Variants in CEP95 observed in about 807,000 individuals in gnomAD.
The protein encoded by CEP95 is centrosomal protein of 95 kDa.
In CEP95, 98 loss-of-function variants were observed where a neutral mutation model predicts 111.2. The observed-to-expected ratio is 0.88, with a 90% CI of 0.75 to 1.04. The LOEUF is 1.04. CEP95 is among the 50% of genes least tolerant of loss of function. The pLI, the probability that CEP95 is intolerant of heterozygous loss-of-function variation, is 0.00. For synonymous variants in CEP95, 323 were observed against 327.1 expected (o/e 0.99, Z 0.14); for missense variants, 1,027 against 977.2 (o/e 1.05, Z -0.68).
intron 5 of CEP95, among the ~76,000 whole-genome samples, chr17:64,517,602 G>A (rs1472636023): frequency 6.6e-6 from 1 of 151,622 alleles, no homozygotes; most frequent in Non-Finnish European, 1.5e-5. Flanking sequence ...GGAGTACAGT[G>A]GCGTGATCAG....
chr17:64,537,511 G>C, intron 19 of CEP95, 92 bp from the exon 20 acceptor site: 1 of 1,454,226 alleles, frequency 6.9e-7, no homozygotes, highest in East Asian at 2.4e-5. Context: ...AATTTTGGAG[G>C]AGTTTGATTA....
rs544605233 is a variant in CEP95 at position 64,513,153 on chromosome 17, C to T, written c.257-1095C>T. On this transcript the variant is annotated intron_variant, in intron 3 of 19. Transcript: ENST00000556440. ...AAGATTTCTGGTTCATTGTTTTAAA[C>T]GAAAAAACTCAAACGTTGTCGTTAC... Among the ~76,000 whole-genome samples the T allele has an allele frequency of 5.3e-5, 8 of 152,260 alleles. No individual in the cohort carries two copies. In the East Asian group the frequency reaches 5.8e-4, roughly 11 times the overall value.
At chr17:64,529,250 A>G in intron 11 of CEP95, 38 bp from the exon 12 acceptor site, 3 of 1,577,210 alleles carry the variant, frequency 1.9e-6, no homozygotes, top group South Asian at 2.4e-5. Flanking sequence ...CATTCTGGCT[A>G]TCAGGAACTA....
chr17:64,524,179 T>C (rs782341061), intron 8 of CEP95, among the ~76,000 whole-genome samples: 4 of 152,226 alleles, frequency 2.6e-5, no homozygotes, highest in Non-Finnish European at 4.4e-5. Context: ...GGTAATACTC[T>C]GTTTCTTGAC....
chr17:64,512,997 C>G (rs1295537352), intron 3 of CEP95, among the ~76,000 whole-genome samples: 4 of 152,152 alleles, frequency 2.6e-5, no homozygotes, highest in Non-Finnish European at 4.4e-5. Flanking sequence ...CAGCATGAAG[C>G]ACTGCATTCT....
chr17:64,519,119 C>T (rs2144410596), intron 5 of CEP95, among the ~76,000 whole-genome samples: 1 of 152,342 alleles, frequency 6.6e-6, no homozygotes, highest in Admixed American at 6.5e-5. Flanking sequence ...TGCTGTTCTC[C>T]TATACATTTA....
At chr17:64,511,490 G>C (rs1598180996) in intron 3 of CEP95, among the ~76,000 whole-genome samples, 1 of 152,308 alleles carries the variant, frequency 6.6e-6, no homozygotes, top group East Asian at 1.9e-4. Flanking sequence ...ATATGGCTCT[G>C]TTCCGCCCGG....
chr17:64,535,603 A>G (rs1968596226), intron 17 of CEP95: 1 of 152,232 alleles, frequency 6.6e-6, no homozygotes, highest in Non-Finnish European at 1.5e-5. Context: ...CAGTTAGAGG[A>G]CGAGTGTTGG....
intron 6 of CEP95, among the ~76,000 whole-genome samples, chr17:64,520,217 A>G (rs1967207830): frequency 6.6e-6 from 1 of 152,208 alleles, no homozygotes; most frequent in Non-Finnish European, 1.5e-5. Flanking sequence ...TGTAAAAAAG[A>G]TGTTACTGTA....
In CEP95 at chr17:64,537,073, A is replaced by C. The variant is rs1555681728; in HGVS notation, c.2250A>C (p.Glu750Asp). ...TGCTGGCAGAAGCCATATCACAGGA[A>C]CATCAAGAACTTAAAGCCAGAGAGA... ...FSLLAEAISQ[E>D]HQELKAREKS... Residue 750 changes from glutamate to aspartate, a missense_variant, in exon 19 of 20, where the codon GAA (glutamate) becomes GAC (aspartate). Transcript: ENST00000556440. The C allele has an allele frequency of 1.2e-6, 2 of 1,613,238 alleles. No homozygotes were observed. The highest frequency in any genetic ancestry group is 3.3e-5 in the Admixed American group (2 of 59,954).
chr17:64,511,779 A>G (rs932203464), intron 3 of CEP95, among the ~76,000 whole-genome samples: 4 of 152,192 alleles, frequency 2.6e-5, no homozygotes, highest in Admixed American at 6.5e-5. Context: ...TTTACAATTC[A>G]TGTTCAGAGA....
At chr17:64,518,364 A>G (rs1555676896) in intron 5 of CEP95, among the ~76,000 whole-genome samples, 2 of 152,162 alleles carry the variant, frequency 1.3e-5, no homozygotes, top group African/African-American at 2.4e-5. Flanking sequence ...AAGACAGTGT[A>G]AATGTTTTAA....
chr17:64,518,590 G>A (rs1555676954), intron 5 of CEP95, among the ~76,000 whole-genome samples: 1 of 152,226 alleles, frequency 6.6e-6, no homozygotes, highest in African/African-American at 2.4e-5. Flanking sequence ...ATAATGCTAT[G>A]TCTTCATGGT....
At chr17:64,530,808 T>C (rs569513153) in intron 12 of CEP95, 118 bp from the exon 13 acceptor site, 4 of 558,950 alleles carry the variant, frequency 7.2e-6, no homozygotes, top group East Asian at 3.2e-5. Flanking sequence ...TGAGGCACCA[T>C]TGGAATTGAA....
In CEP95 at chr17:64,533,144, C is replaced by G; in HGVS notation, c.1870C>G (p.Leu624Val). 6.3e-7 allele frequency: 1 copy of G among 1,599,622 alleles called. No individual in the cohort carries two copies. Among genetic ancestry groups the G allele is most frequent in the Non-Finnish European group, 8.5e-7 (1 of 1,176,416 alleles). Residue 624 changes from leucine to valine, a missense_variant, in exon 16 of 20, where the codon CTC becomes GTC. Leu to Val is a conservative substitution (Grantham distance 32, BLOSUM62 1). Coordinates refer to ENST00000556440, the MANE Select transcript of CEP95 (RefSeq NM_138363.3). ...AGAAGAAGCCCTAAGAAGGCATGAC[C>G]TCCTTACTACCCTTGTCAAGAAAGA... Reference protein sequence around the residue: ...EIEEALRRHDLLTTLVKKEYE... With the variant: ...EIEEALRRHDVLTTLVKKEYE...
At chr17:64,520,680 GCCTTGGCCTCC>G (rs1967254958) in intron 6 of CEP95, 1 of 152,160 alleles carries the variant, frequency 6.6e-6, no homozygotes, top group Non-Finnish European at 1.5e-5. Flanking sequence ...TGATCTGCCT[GCCTTGGCCTCC>G]CAAAGTACTG....
chr17:64,507,335 C>T (rs967423184), intron 1 of CEP95: 2 of 1,433,154 alleles, frequency 1.4e-6, no homozygotes, highest in Non-Finnish European at 1.8e-6. Flanking sequence ...GAGAGAGGCA[C>T]TGGGGCGAGG....
chr17:64,519,498 G>T, intron 6 of CEP95, 62 bp downstream of exon 6: 1 of 1,201,448 alleles, frequency 8.3e-7, no homozygotes, highest in South Asian at 1.3e-5. Context: ...AATGTAAATG[G>T]TATGTAGGAG....
intron 14 of CEP95, chr17:64,532,389 C>T (rs1166170338): frequency 4.1e-6 from 4 of 985,428 alleles, no homozygotes; most frequent in Non-Finnish European, 4.8e-6. Flanking sequence ...TATATATTGA[C>T]AGTGCCAATG....
Sources: allele counts gnomAD v4.1 joint callset (sites outside exome capture counted in the v4.1 genomes callset), GRCh38; gene constraint gnomAD v4.1.1; transcripts MANE v1.5; gene names NCBI Gene and HGNC (gene_info 2026-07-23, HGNC 2026-07-21).